Variants in EFR3B observed in about 807,000 individuals in gnomAD.
EFR3B encodes protein EFR3 homolog B.
In EFR3B, 64 loss-of-function variants were observed where a neutral mutation model predicts 104.7. The observed-to-expected ratio is 0.61, with a 90% CI of 0.50 to 0.75. The LOEUF is 0.75. Ranked by LOEUF, EFR3B falls within the 30% of genes least tolerant of loss-of-function variation. The pLI is 0.00. For missense variants in EFR3B, 750 were observed against 1,078.5 expected (o/e 0.70, Z 4.27); for synonymous variants, 385 against 417.9 (o/e 0.92, Z 0.96).
chr2:25,121,546 C>A, intron 4 of EFR3B, 127 bp from the exon 5 acceptor site: 1 of 1,207,942 alleles, frequency 8.3e-7, no homozygotes, highest in Non-Finnish European at 1.2e-6. Context: ...TCTGCAAGGC[C>A]GGCCAAGCTG....
At chr2:25,065,293 T>G (rs6730297) in intron 1 of EFR3B, among the ~76,000 whole-genome samples, 151,128 of 151,366 alleles carry the variant, frequency 1, 75,447 homozygotes, top group Middle Eastern at 1. Flanking sequence ...TGATCCTCCC[T>G]CTTCAGCCTC....
At chr2:25,128,085 A>T (rs1670215474) in intron 5 of EFR3B, 98 bp from the exon 6 acceptor site, 1 of 1,390,742 alleles carries the variant, frequency 7.2e-7, no homozygotes, top group South Asian at 1.4e-5. Context: ...GGACAAATGT[A>T]TCCCTGACTC....
chr2:25,142,248 T>G (rs528267521), intron 17 of EFR3B, among the ~76,000 whole-genome samples: 11 of 151,916 alleles, frequency 7.2e-5, no homozygotes, highest in South Asian at 4.2e-4. Flanking sequence ...TTCGAGACCA[T>G]CCTGGCCAAC....
intron 6 of EFR3B, among the ~76,000 whole-genome samples, chr2:25,129,379 G>T (rs779112214): frequency 1.3e-5 from 2 of 149,140 alleles, no homozygotes; most frequent in African/African-American, 4.9e-5. Context: ...GGGGTGGGGT[G>T]GGGTTCGTAT....
At chr2:25,123,108 A>G (rs1670066123) in intron 5 of EFR3B, among the ~76,000 whole-genome samples, 1 of 152,212 alleles carries the variant, frequency 6.6e-6, no homozygotes, top group Non-Finnish European at 1.5e-5. Flanking sequence ...CATGTCTGTA[A>G]TCTCAGTACT....
In EFR3B at chr2:25,154,588, T is replaced by C. The variant is rs760541736; in HGVS notation, c.*248T>C. ...TGTGCCCTCTTTGTCTTCTCTTGTG[T>C]CAGCCAGGGGCAGAGAATCATGGGG... On this transcript the variant is annotated 3_prime_UTR_variant, in exon 23 of 23. Coordinates refer to ENST00000403714, the MANE Select transcript of EFR3B (RefSeq NM_014971.2). The surrounding 1 kb of genome is among the most constrained non-coding windows in gnomAD (Gnocchi z 4.1). 1.2e-4 allele frequency: 54 copies of C among 464,148 alleles called. No individual in the cohort carries two copies. Among genetic ancestry groups the C allele is most frequent in the Non-Finnish European group, 1.6e-4 (43 of 263,062 alleles). 28.8% of individuals were successfully genotyped at this position (464,148 alleles called of 1,614,324 possible).
chr2:25,124,300 G>A (rs974751256), intron 5 of EFR3B, among the ~76,000 whole-genome samples: 1 of 140,728 alleles, frequency 7.1e-6, no homozygotes, highest in Admixed American at 7.1e-5. Flanking sequence ...GTGTGTGTGT[G>A]TGTGTGTGTG....
At position 25,154,354 on chromosome 2, in the gene EFR3B, G is replaced by A; in HGVS notation, c.*14G>A. ...TGTGTATACTGAATTCCAAGAGCCT[G>A]AGCTCCTCAAGGAGATGGGGTCTGA... is the stretch of plus-strand genomic sequence containing the variant. On this transcript the variant is annotated 3_prime_UTR_variant, in exon 23 of 23. Coordinates refer to ENST00000403714, the MANE Select transcript of EFR3B (RefSeq NM_014971.2). The surrounding 1 kb of genome is among the most constrained non-coding windows in gnomAD (Gnocchi z 4.1). 6.4e-7 allele frequency: 1 copy of A among 1,550,966 alleles called. No homozygotes were observed. The highest frequency in any genetic ancestry group is 8.7e-7 in the Non-Finnish European group (1 of 1,146,028).
At chr2:25,071,448 A>G (rs565557782) in intron 1 of EFR3B, among the ~76,000 whole-genome samples, 1 of 150,220 alleles carries the variant, frequency 6.7e-6, no homozygotes, top group African/African-American at 2.5e-5. Context: ...TTTAGTAGAG[A>G]TGAGGTTTCA....
At chr2:25,074,922 G>A (rs1377157303) in intron 1 of EFR3B, among the ~76,000 whole-genome samples, 2 of 152,080 alleles carry the variant, frequency 1.3e-5, no homozygotes, top group Admixed American at 6.6e-5. Context: ...TGGCCTATCT[G>A]CCAACTTTTT....
intron 1 of EFR3B, among the ~76,000 whole-genome samples, chr2:25,049,952 T>TAA (rs59279308): frequency 1.8e-3 from 193 of 104,836 alleles, no homozygotes; most frequent in African/African-American, 4.5e-3. Context: ...ACATTTCTAC[T>TAA]AAAAAAAAAA....
intron 1 of EFR3B, among the ~76,000 whole-genome samples, chr2:25,043,593 C>G (rs1667636515): frequency 6.6e-6 from 1 of 152,144 alleles, no homozygotes; most frequent in African/African-American, 2.4e-5. Context: ...ATCAGCAGGT[C>G]CCCTCAGCAA....
At chr2:25,097,789 G>A (rs1002140015) in intron 3 of EFR3B, among the ~76,000 whole-genome samples, 26 of 152,252 alleles carry the variant, frequency 1.7e-4, no homozygotes, top group African/African-American at 6.3e-4. Flanking sequence ...AAATCCCCTA[G>A]AAACGAAGGG....
intron 4 of EFR3B, among the ~76,000 whole-genome samples, chr2:25,112,128 A>C (rs1669738671): frequency 6.6e-6 from 1 of 152,316 alleles, no homozygotes. Context: ...TGTGGTTTTA[A>C]CTGTCACCTG....
chr2:25,091,393 G>A lies in EFR3B; in HGVS notation c.76G>A (p.Asp26Asn). Residue 26 changes from aspartate to asparagine, a missense_variant, in exon 2 of 23, where the codon GAT (aspartate) becomes AAT (asparagine). Coordinates refer to ENST00000403714, the MANE Select transcript of EFR3B (RefSeq NM_014971.2). ...KRLVDNIFPE[D>N]PEDGLVKTNM... Reference sequence around the variant, plus strand: ...GCTGGTTGACAACATCTTCCCTGAGGATCCCGAGGTGGGTCATGTCTCTGG... The same window carrying A: ...GCTGGTTGACAACATCTTCCCTGAGAATCCCGAGGTGGGTCATGTCTCTGG... 6.5e-7 allele frequency: 1 copy of A among 1,549,738 alleles called. No homozygotes were observed. The highest frequency in any genetic ancestry group is 8.7e-7 in the Non-Finnish European group (1 of 1,146,236).
chr2:25,066,690 T>G (rs1281699290), intron 1 of EFR3B, among the ~76,000 whole-genome samples: 1 of 152,230 alleles, frequency 6.6e-6, no homozygotes, highest in Non-Finnish European at 1.5e-5. Flanking sequence ...GCTGTTACTC[T>G]AAGGGGACAG....
intron 16 of EFR3B, among the ~76,000 whole-genome samples, chr2:25,141,040 C>CA (rs78559860): frequency 0.36 from 26,585 of 73,916 alleles, 4,630 homozygotes; most frequent in Admixed American, 0.44. Context: ...GACTCCGTCT[C>CA]AAAAAAAAAA....
intron 1 of EFR3B, among the ~76,000 whole-genome samples, chr2:25,072,046 G>A (rs1668512660): frequency 6.6e-6 from 1 of 152,160 alleles, no homozygotes; most frequent in South Asian, 2.1e-4. Flanking sequence ...TGGTTTTATT[G>A]GTGCCAGCCT....
intron 4 of EFR3B, among the ~76,000 whole-genome samples, chr2:25,121,390 C>G (rs1670010160): frequency 6.6e-6 from 1 of 152,212 alleles, no homozygotes; most frequent in Admixed American, 6.5e-5. Context: ...GCGATGAGGG[C>G]AGGTGCTTCT....
Sources: gnomAD v4.1 joint callset for allele counts (sites outside exome capture counted in the v4.1 genomes callset) on GRCh38, gnomAD v4.1.1 for gene constraint, Gnocchi (gnomAD v3.1) non-coding constraint, MANE v1.5 for transcripts, NCBI Gene and HGNC (gene_info 2026-07-23, HGNC 2026-07-21) for gene names.